FBXO8: variants seen among roughly 807,000 people sequenced by gnomAD.
The protein encoded by FBXO8 is F-box only protein 8.
FBXO8 carries 15 observed loss-of-function variants against 33.4 expected under a neutral mutation model. The observed-to-expected ratio is 0.45, with a 90% CI of 0.30 to 0.69. The LOEUF (loss-of-function observed/expected upper bound fraction) is 0.69. Ranked by LOEUF, FBXO8 falls within the 30% of genes least tolerant of loss-of-function variation. The probability of loss-of-function intolerance (pLI) is 0.08; values close to 1 mark genes in which losing one functional copy is unlikely to be tolerated. For missense variants in FBXO8, 274 were observed against 380.3 expected (o/e 0.72, Z 2.32); for synonymous variants, 132 against 131.5 (o/e 1.00, Z -0.02).
chr4:174,257,816 T>G lies in FBXO8; in HGVS notation c.456+1883A>C, dbSNP rs1736452130. On this transcript the variant is annotated intron_variant, in intron 3 of 5. Coordinates refer to ENST00000393674, the MANE Select transcript of FBXO8 (RefSeq NM_012180.3). This position sits in a 1 kb window ranked among gnomAD's most constrained non-coding sequence, Gnocchi z 4.3. ...CACAACTTACTGCGCCCTTGACCTC[T>G]GGGGCTCAAGTGGTCCTCCTACCTC... is the stretch of plus-strand genomic sequence containing the variant. Among the ~76,000 whole-genome samples, 1 of 152,014 alleles carries G rather than the reference T, an allele frequency of 6.6e-6. No homozygotes were observed. The highest frequency in any genetic ancestry group is 2.4e-5 in the African/African-American group (1 of 41,386).
rs1278795427 is a variant in FBXO8, at chr4:174,252,501, A to G, written c.456+7198T>C. ...GTTGGGCTCACAGATAGCATCACAG[A>G]CCCAATTCTTTCTTTCCAGTCTGCT... On this transcript the variant is annotated intron_variant, in intron 3 of 5. Transcript: ENST00000393674. The surrounding 1 kb of genome is among the most constrained non-coding windows in gnomAD (Gnocchi z 5.1). 6.6e-6 allele frequency among the ~76,000 whole-genome samples: 1 copy of G among 152,136 alleles called. No homozygotes were observed. Among genetic ancestry groups the G allele is most frequent in the African/African-American group, 2.4e-5 (1 of 41,434 alleles).
In FBXO8 at chr4:174,262,911, T is replaced by G. The variant is rs1560872217; in HGVS notation, c.182A>C (p.Lys61Thr). 1 of 1,614,094 alleles carries G rather than the reference T, an allele frequency of 6.2e-7. No individual in the cohort carries two copies. The part of the protein sequence containing the change: ...IDIYHLLKAR[K>T]SKEQEGFINL... ...AATGAATCCTTCCTGTTCTTTCGAT[T>G]TCCTTGCCTTCAAAAGATGATATAT... is the stretch of plus-strand genomic sequence containing the variant. The change falls in exon 2 of 6, where the codon AAA becomes ACA. Residue 61 changes from lysine (K) to threonine (T), a missense_variant. Lys to Thr is a moderately conservative substitution (Grantham distance 78). Transcript: ENST00000393674. The surrounding 1 kb of genome is among the most constrained non-coding windows in gnomAD (Gnocchi z 4.6).
At position 174,270,605 on chromosome 4, in the gene FBXO8, T is replaced by C. The variant is rs1001660389; in HGVS notation, c.-8-7505A>G. On this transcript the variant is annotated intron_variant, in intron 1 of 5. Coordinates refer to ENST00000393674, the MANE Select transcript of FBXO8 (RefSeq NM_012180.3). This position sits in a 1 kb window ranked among gnomAD's most constrained non-coding sequence, Gnocchi z 4.6. ...TCAAGATCATTTTTATTCATGCTCA[T>C]GTCTTAGGAATAGTATTTTTTTTTT... is the stretch of plus-strand genomic sequence containing the variant. 2.6e-5 allele frequency among the ~76,000 whole-genome samples: 4 copies of C among 151,824 alleles called. No individual in the cohort carries two copies. The highest frequency in any genetic ancestry group is 9.7e-5 in the African/African-American group (4 of 41,280).
At position 174,272,337 on chromosome 4, in the gene FBXO8, C is replaced by T. The variant is rs1398874614; in HGVS notation, c.-8-9237G>A. Among the ~76,000 whole-genome samples the T allele has an allele frequency of 2.0e-5, 3 of 152,134 alleles. No homozygotes were observed. The highest frequency in any genetic ancestry group is 4.1e-4 in the South Asian group (2 of 4,830). On this transcript the variant is annotated intron_variant, in intron 1 of 5. Coordinates refer to ENST00000393674, the MANE Select transcript of FBXO8 (RefSeq NM_012180.3). The surrounding 1 kb of genome is among the most constrained non-coding windows in gnomAD (Gnocchi z 4.7). Reference sequence around the variant, plus strand: ...TCCTCCTGTATACTTTAAATCATCTCTAGATTACTTATAACATCCAATAAG... The same window carrying T: ...TCCTCCTGTATACTTTAAATCATCTTTAGATTACTTATAACATCCAATAAG...
rs865804682 is a variant in FBXO8 at position 174,281,556 on chromosome 4, C to G, written c.-9+1854G>C. Among the ~76,000 whole-genome samples, 2 of 152,130 alleles carry G rather than the reference C, an allele frequency of 1.3e-5. No homozygotes were observed. The highest frequency in any genetic ancestry group is 4.1e-4 in the South Asian group (2 of 4,822). ...TAAAAGAAATAACCACACGTGATGG[C>G]GTGTGCCTGTGGTCCCAGGTACTCT... On this transcript the variant is annotated intron_variant, in intron 1 of 5. Coordinates refer to ENST00000393674, the MANE Select transcript of FBXO8 (RefSeq NM_012180.3). This position sits in a 1 kb window ranked among gnomAD's most constrained non-coding sequence, Gnocchi z 4.6.
At chr4:174,248,630 C>T (rs1202212476) in intron 3 of FBXO8, among the ~76,000 whole-genome samples, 4 of 152,032 alleles carry the variant, frequency 2.6e-5, no homozygotes, top group Non-Finnish European at 5.9e-5. Context: ...AGCCAGTTTT[C>T]TCAGTTAGCT....
At chr4:174,242,008 A>AGG (rs1736051773) in intron 3 of FBXO8, among the ~76,000 whole-genome samples, 1 of 151,602 alleles carries the variant, frequency 6.6e-6, no homozygotes, top group Non-Finnish European at 1.5e-5. Context: ...ATTCTCTCAC[A>AGG]TATACAGAGG....
intron 3 of FBXO8, among the ~76,000 whole-genome samples, chr4:174,248,802 C>A (rs536834492): frequency 9.2e-5 from 14 of 152,104 alleles, no homozygotes; most frequent in African/African-American, 3.4e-4. Context: ...TATTAAAGAG[C>A]AGAATGCTGA....
intron 3 of FBXO8, among the ~76,000 whole-genome samples, chr4:174,246,049 A>G (rs1302777350): frequency 6.6e-6 from 1 of 152,000 alleles, no homozygotes; most frequent in Non-Finnish European, 1.5e-5. Flanking sequence ...ATATTTTAAA[A>G]GTGAGGGTTG....
intron 1 of FBXO8, among the ~76,000 whole-genome samples, chr4:174,280,068 G>A (rs1212750244): frequency 2.0e-5 from 3 of 151,990 alleles, no homozygotes; most frequent in African/African-American, 7.3e-5. Context: ...CCCACCGAAT[G>A]AGAGAAAATA....
chr4:174,273,852 T>C (rs918579319), intron 1 of FBXO8, among the ~76,000 whole-genome samples: 25 of 152,254 alleles, frequency 1.6e-4, no homozygotes, highest in Admixed American at 1.5e-3. Context: ...TTAAGAATTA[T>C]TATTATTATT....
Position 174,270,489 on chromosome 4 carries a change from G to T in FBXO8, c.-8-7389C>A, listed in dbSNP as rs1420394903. ...TCCCACCTGCTAACATTTCAGTAAA[G>T]TTATATCTAGGATTACTAAACATAT... On this transcript the variant is annotated intron_variant, in intron 1 of 5. Transcript: ENST00000393674. This position sits in a 1 kb window ranked among gnomAD's most constrained non-coding sequence, Gnocchi z 4.6. 6.6e-6 allele frequency among the ~76,000 whole-genome samples: 1 copy of T among 152,034 alleles called. No homozygotes were observed. Among genetic ancestry groups the T allele is most frequent in the African/African-American group, 2.4e-5 (1 of 41,398 alleles).
rs1325653713 is a variant in FBXO8 at position 174,256,775 on chromosome 4, AT to A, written c.456+2923del. Among the ~76,000 whole-genome samples, 2 of 152,124 alleles carry A rather than the reference AT, an allele frequency of 1.3e-5. No homozygotes were observed. Among genetic ancestry groups the A allele is most frequent in the African/African-American group, 4.8e-5 (2 of 41,436 alleles). On this transcript the variant is annotated intron_variant, in intron 3 of 5. Transcript: ENST00000393674. The surrounding 1 kb of genome is among the most constrained non-coding windows in gnomAD (Gnocchi z 4.6). ...TGCTAAATTACATGTTCATAAAAGC[AT>A]AGAATCAGAATTTTGGAACCTCAAG... is the stretch of plus-strand genomic sequence containing the variant.
chr4:174,255,420 A>C lies in FBXO8; in HGVS notation c.456+4279T>G, dbSNP rs1321944174. On this transcript the variant is annotated intron_variant, in intron 3 of 5. Coordinates refer to ENST00000393674, the MANE Select transcript of FBXO8 (RefSeq NM_012180.3). This position sits in a 1 kb window ranked among gnomAD's most constrained non-coding sequence, Gnocchi z 4.3. Reference sequence around the variant, plus strand: ...TTTATACTTTAGCTGGTCCAATAACAAAAATAACATGTTATCTTGAAAATA... The same window carrying C: ...TTTATACTTTAGCTGGTCCAATAACCAAAATAACATGTTATCTTGAAAATA... Among the ~76,000 whole-genome samples the C allele has an allele frequency of 6.6e-6, 1 of 152,176 alleles. No homozygotes were observed. Among genetic ancestry groups the C allele is most frequent in the African/African-American group, 2.4e-5 (1 of 41,460 alleles).
rs1169914410 is a variant in FBXO8, at chr4:174,247,633, A to G, written c.457-6415T>C. On this transcript the variant is annotated intron_variant, in intron 3 of 5. Coordinates refer to ENST00000393674, the MANE Select transcript of FBXO8 (RefSeq NM_012180.3). The surrounding 1 kb of genome is among the most constrained non-coding windows in gnomAD (Gnocchi z 4.6). ...TTTTAACCACAGTGAAACTAACTGA[A>G]TATATTATTTTTCAAGTATACATTT... 1.3e-5 allele frequency among the ~76,000 whole-genome samples: 2 copies of G among 152,088 alleles called. No individual in the cohort carries two copies. The highest frequency in any genetic ancestry group is 1.9e-4 in the East Asian group (1 of 5,204).
intron 3 of FBXO8, among the ~76,000 whole-genome samples, chr4:174,258,892 T>C (rs1340185925): frequency 6.6e-6 from 1 of 151,824 alleles, no homozygotes; most frequent in African/African-American, 2.4e-5. Context: ...CGACAACAAA[T>C]GAAAAAAAGT....
intron 1 of FBXO8, among the ~76,000 whole-genome samples, chr4:174,271,012 T>A (rs1363119708): frequency 6.6e-6 from 1 of 152,176 alleles, no homozygotes; most frequent in East Asian, 1.9e-4. Flanking sequence ...TTTGAAACAA[T>A]CTTTTATGGA....
At position 174,255,908 on chromosome 4, in the gene FBXO8, T is replaced by A. The variant is rs1736404150; in HGVS notation, c.456+3791A>T. The A allele has an allele frequency of 3.8e-6, 1 of 261,034 alleles. No individual in the cohort carries two copies. The highest frequency in any genetic ancestry group is 4.3e-5 in the Admixed American group (1 of 23,212). The allele number at this position is 261,034 out of a possible 1,614,324, so 16.2% of individuals were successfully genotyped here. A position where few individuals can be genotyped will look rare whatever the true frequency, so the allele number is the denominator to read the frequency against. ...AAACAGATGGTTTTCAGCACATTCCTTTACTAGAATGTGGCCACCTGCCAC... is the reference window on the plus strand; with the variant it reads ...AAACAGATGGTTTTCAGCACATTCCATTACTAGAATGTGGCCACCTGCCAC... On this transcript the variant is annotated intron_variant, in intron 3 of 5. Coordinates refer to ENST00000393674, the MANE Select transcript of FBXO8 (RefSeq NM_012180.3). This position sits in a 1 kb window ranked among gnomAD's most constrained non-coding sequence, Gnocchi z 4.3.
intron 1 of FBXO8, among the ~76,000 whole-genome samples, chr4:174,276,856 T>C (rs774841385): frequency 2.0e-5 from 3 of 152,222 alleles, no homozygotes; most frequent in Non-Finnish European, 2.9e-5. Flanking sequence ...ACCTTAGGTA[T>C]TTCAAACAAG....
Sources: allele counts gnomAD v4.1 joint callset (sites outside exome capture counted in the v4.1 genomes callset), GRCh38; gene constraint gnomAD v4.1.1; non-coding constraint Gnocchi (gnomAD v3.1); transcripts MANE v1.5; gene names NCBI Gene and HGNC (gene_info 2026-07-23, HGNC 2026-07-21).